The following RNF144B variants were observed in gnomAD, a reference collection of about 807,000 sequenced individuals.
RNF144B encodes E3 ubiquitin-protein ligase RNF144B.
RNF144B carries 25 observed loss-of-function variants against 40.2 expected under a neutral mutation model. The ratio of observed to expected loss-of-function variants is 0.62; its 90% CI spans 0.45 to 0.87. The LOEUF (loss-of-function observed/expected upper bound fraction) is 0.87, where lower values mean the gene tolerates loss of function less well. RNF144B is among the 40% of genes least tolerant of loss of function. RNF144B has a pLI of 0.00. For missense variants in RNF144B, 365 were observed against 373.7 expected (o/e 0.98, Z 0.19); for synonymous variants, 145 against 136.3 (o/e 1.06, Z -0.44).
Position 18,418,073 on chromosome 6 carries a change from A to G in RNF144B, c.166-9508A>G, listed in dbSNP as rs568446346. Among the ~76,000 whole-genome samples, 1 of 152,330 alleles carries G rather than the reference A, an allele frequency of 6.6e-6. No homozygotes were observed. The highest frequency in any genetic ancestry group is 6.5e-5 in the Admixed American group (1 of 15,298). On this transcript the variant is annotated intron_variant, in intron 2 of 7. Coordinates refer to ENST00000259939, the MANE Select transcript of RNF144B (RefSeq NM_182757.4). The surrounding 1 kb of genome is among the most constrained non-coding windows in gnomAD (Gnocchi z 5.2). ...CACATTAAGATGGCTATAATAAAAA[A>G]GACAGAAAATAACGAGTTTTGATGA... is the stretch of plus-strand genomic sequence containing the variant.
In RNF144B at chr6:18,464,320, C is replaced by T. The variant is rs148076366; in HGVS notation, c.772-607C>T. Among the ~76,000 whole-genome samples the T allele has an allele frequency of 4.1e-4, 63 of 152,274 alleles. No homozygotes were observed. In the East Asian group the frequency reaches 0.01, roughly 25 times the overall value. ...AGAGAGAGCACCAATACCAATAATT[C>T]ATGACTATACTGAGCTTGCGACAGC... is the stretch of plus-strand genomic sequence containing the variant. On this transcript the variant is annotated intron_variant, in intron 7 of 7. Transcript: ENST00000259939. This position sits in a 1 kb window ranked among gnomAD's most constrained non-coding sequence, Gnocchi z 6.1.
chr6:18,439,757 C>A lies in RNF144B; in HGVS notation c.331+13C>A. ...AAATTTGAAAGAGGTATGAACTCTT[C>A]TTTTTTTCCTGATGATGAATGTGGT... On this transcript the variant is annotated intron_variant, in intron 4 of 7. Transcript: ENST00000259939. 1 of 1,559,932 alleles carries A rather than the reference C, an allele frequency of 6.4e-7. No homozygotes were observed.
rs1582441349 is a variant in RNF144B, at chr6:18,450,278, A to G, written c.332-6877A>G. ...AACAGTCTTTGGCGGGATGAGGGGA[A>G]CAACTCTGATTTGTAGTGCTTGCCA... On this transcript the variant is annotated intron_variant, in intron 4 of 7. Coordinates refer to ENST00000259939, the MANE Select transcript of RNF144B (RefSeq NM_182757.4). This position sits in a 1 kb window ranked among gnomAD's most constrained non-coding sequence, Gnocchi z 4.7. 6.6e-6 allele frequency among the ~76,000 whole-genome samples: 1 copy of G among 151,226 alleles called. No homozygotes were observed. Among genetic ancestry groups the G allele is most frequent in the South Asian group, 2.1e-4 (1 of 4,790 alleles).
rs1259106339 is a variant in RNF144B at position 18,457,425 on chromosome 6, G to GTAC, written c.536+67_536+68insACT. 3.3e-6 allele frequency: 4 copies of GTAC among 1,204,946 alleles called. No homozygotes were observed. The highest frequency in any genetic ancestry group is 4.9e-6 in the Non-Finnish European group (4 of 808,148). The allele number at this position is 1,204,946 out of a possible 1,614,324, so 74.6% of individuals were successfully genotyped here. ...TTCTTAGAAATTCAACATACCTTACGTGTAGAAGGAGTTACGTTGTGATGG... is the reference window on the plus strand; with the variant it reads ...TTCTTAGAAATTCAACATACCTTACGTACTGTAGAAGGAGTTACGTTGTGATGG... On this transcript the variant is annotated intron_variant, in intron 5 of 7. Coordinates refer to ENST00000259939, the MANE Select transcript of RNF144B (RefSeq NM_182757.4). This position sits in a 1 kb window ranked among gnomAD's most constrained non-coding sequence, Gnocchi z 5.1.
chr6:18,391,432 A>G (rs1377617869), intron 1 of RNF144B, among the ~76,000 whole-genome samples: 2 of 152,222 alleles, frequency 1.3e-5, no homozygotes, highest in African/African-American at 4.8e-5. Flanking sequence ...TGCCAAAAAT[A>G]TCATTGAGCT....
chr6:18,404,302 G>T (rs1794850675), intron 2 of RNF144B, among the ~76,000 whole-genome samples: 1 of 152,200 alleles, frequency 6.6e-6, no homozygotes. Context: ...TTAGAATGCA[G>T]ATATGGAGAT....
Position 18,443,744 on chromosome 6 carries a change from G to C in RNF144B, c.331+4000G>C, listed in dbSNP as rs967792282. ...TCTGTCTAAACTTTATCTAAATTAT[G>C]TAAAATAGACTTCTTATCTACCTCA... On this transcript the variant is annotated intron_variant, in intron 4 of 7. Coordinates refer to ENST00000259939, the MANE Select transcript of RNF144B (RefSeq NM_182757.4). The surrounding 1 kb of genome is among the most constrained non-coding windows in gnomAD (Gnocchi z 4.7). Among the ~76,000 whole-genome samples, 9 of 152,180 alleles carry C rather than the reference G, an allele frequency of 5.9e-5. No homozygotes were observed. Among genetic ancestry groups the C allele is most frequent in the African/African-American group, 2.2e-4 (9 of 41,452 alleles).
Position 18,405,616 on chromosome 6 carries a change from C to T in RNF144B, c.165+5917C>T, listed in dbSNP as rs967926448. ...AGATTTAATGACAATACTATGGTGA[C>T]TTTTGTATTTATTGGTCAAGTCACA... On this transcript the variant is annotated intron_variant, in intron 2 of 7. Coordinates refer to ENST00000259939, the MANE Select transcript of RNF144B (RefSeq NM_182757.4). The surrounding 1 kb of genome is among the most constrained non-coding windows in gnomAD (Gnocchi z 4.5). 1.3e-5 allele frequency among the ~76,000 whole-genome samples: 2 copies of T among 152,136 alleles called. No individual in the cohort carries two copies. Among genetic ancestry groups the T allele is most frequent in the African/African-American group, 4.8e-5 (2 of 41,422 alleles).
Position 18,446,923 on chromosome 6 carries a change from C to T in RNF144B, c.331+7179C>T, listed in dbSNP as rs1196512661. Among the ~76,000 whole-genome samples the T allele has an allele frequency of 6.6e-6, 1 of 151,634 alleles. No homozygotes were observed. Among genetic ancestry groups the T allele is most frequent in the Non-Finnish European group, 1.5e-5 (1 of 67,958 alleles). ...TGGCTCAACAAATATGTCAGGACAT[C>T]TCCATGACGGTAAATTATCCAATCC... On this transcript the variant is annotated intron_variant, in intron 4 of 7. Coordinates refer to ENST00000259939, the MANE Select transcript of RNF144B (RefSeq NM_182757.4). The surrounding 1 kb of genome is among the most constrained non-coding windows in gnomAD (Gnocchi z 4.7).
rs532284889 is a variant in RNF144B at position 18,416,200 on chromosome 6, A to G, written c.166-11381A>G. Among the ~76,000 whole-genome samples the G allele has an allele frequency of 6.6e-6, 1 of 152,240 alleles. No individual in the cohort carries two copies. Among genetic ancestry groups the G allele is most frequent in the South Asian group, 2.1e-4 (1 of 4,826 alleles). The stretch of plus-strand genomic sequence containing the variant: ...CCTGGGCCAGAGGGATCTCTTTGGG[A>G]TTAGTATAAAAAGTGGGGCCTCCTT... On this transcript the variant is annotated intron_variant, in intron 2 of 7. Transcript: ENST00000259939. The surrounding 1 kb of genome is among the most constrained non-coding windows in gnomAD (Gnocchi z 5.5).
intron 7 of RNF144B, 54 bp downstream of exon 7, chr6:18,463,434 GA>G (rs1759511512): frequency 9.8e-7 from 1 of 1,016,206 alleles, no homozygotes; most frequent in Non-Finnish European, 1.6e-6. Context: ...ATGGCTTAAA[GA>G]GCCCACCTCT....
At position 18,399,547 on chromosome 6, in the gene RNF144B, G is replaced by T. The variant is rs1009754199; in HGVS notation, c.13G>T (p.Gly5Cys). ...TGAAGACAGGCTGATGGGCTCAGCT[G>T]GTAGGCTCCACTATCTCGCCATGAC... MGSAGRLHYLAMTAE... is the reference protein window; with the variant it reads MGSACRLHYLAMTAE... The change falls in exon 2 of 8, where the codon GGT becomes TGT. Residue 5 changes from glycine to cysteine, a missense_variant. Gly to Cys is a radical substitution (Grantham distance 159, BLOSUM62 -3). Coordinates refer to ENST00000259939, the MANE Select transcript of RNF144B (RefSeq NM_182757.4). The T allele has an allele frequency of 1.9e-6, 3 of 1,613,970 alleles. No individual in the cohort carries two copies. Among genetic ancestry groups the T allele is most frequent in the Non-Finnish European group, 2.5e-6 (3 of 1,179,990 alleles).
At chr6:18,455,077 G>A (rs1759296463) in intron 4 of RNF144B, among the ~76,000 whole-genome samples, 1 of 152,162 alleles carries the variant, frequency 6.6e-6, no homozygotes, top group Non-Finnish European at 1.5e-5. Context: ...TAGTATTTGT[G>A]AAGCGGTTGT....
chr6:18,433,835 CCT>C lies in RNF144B; in HGVS notation c.271-5846_271-5845del, dbSNP rs533756891. ...GAATGGGTGAATGTGCTGTTTTTCT[CCT>C]CTGTTAGGAAGAGCAGCTCTCGTTC... On this transcript the variant is annotated intron_variant, in intron 3 of 7. Coordinates refer to ENST00000259939, the MANE Select transcript of RNF144B (RefSeq NM_182757.4). Among the ~76,000 whole-genome samples the C allele has an allele frequency of 9.9e-5, 15 of 152,256 alleles. No individual in the cohort carries two copies. In the East Asian group the frequency reaches 2.9e-3, roughly 29 times the overall value.
intron 1 of RNF144B, among the ~76,000 whole-genome samples, chr6:18,389,962 C>G (rs542585691): frequency 6.6e-6 from 1 of 152,252 alleles, no homozygotes; most frequent in African/African-American, 2.4e-5. Flanking sequence ...AATATTTTCT[C>G]TCCTCCAAGT....
At chr6:18,463,137 C>A (rs1426465884) in intron 6 of RNF144B, among the ~76,000 whole-genome samples, 154 bp from the exon 7 acceptor site, 1 of 152,038 alleles carries the variant, frequency 6.6e-6, no homozygotes, top group Non-Finnish European at 1.5e-5. Context: ...TACAAAACTA[C>A]CAAGATAAAG....
At position 18,418,811 on chromosome 6, in the gene RNF144B, TATA is replaced by T. The variant is rs1234523507; in HGVS notation, c.166-8764_166-8762del. Among the ~76,000 whole-genome samples the T allele has an allele frequency of 6.6e-6, 1 of 151,466 alleles. No individual in the cohort carries two copies. The highest frequency in any genetic ancestry group is 6.6e-5 in the Admixed American group (1 of 15,158). On this transcript the variant is annotated intron_variant, in intron 2 of 7. Transcript: ENST00000259939. This position sits in a 1 kb window ranked among gnomAD's most constrained non-coding sequence, Gnocchi z 5.2. The stretch of plus-strand genomic sequence containing the variant: ...AAATATATAATATTTACATATCATA[TATA>T]ATAATGCTATATATATAATATACAC...
intron 3 of RNF144B, among the ~76,000 whole-genome samples, chr6:18,433,939 C>G (rs1168629475): frequency 6.6e-6 from 1 of 152,156 alleles, no homozygotes; most frequent in Non-Finnish European, 1.5e-5. Flanking sequence ...GTTATTTCCC[C>G]TGCCCTGGAT....
At chr6:18,430,341 C>T (rs1758665194) in intron 3 of RNF144B, among the ~76,000 whole-genome samples, 1 of 152,188 alleles carries the variant, frequency 6.6e-6, no homozygotes, top group Non-Finnish European at 1.5e-5. Context: ...ATGGTAGCCA[C>T]TAGGCACTGA....
Sources: allele counts gnomAD v4.1 joint callset (sites outside exome capture counted in the v4.1 genomes callset), GRCh38; gene constraint gnomAD v4.1.1; non-coding constraint Gnocchi (gnomAD v3.1); transcripts MANE v1.5; gene names NCBI Gene and HGNC (gene_info 2026-07-23, HGNC 2026-07-21).